Variants in PPP4C observed in about 807,000 individuals in gnomAD.
PPP4C encodes the protein serine/threonine-protein phosphatase 4 catalytic subunit.
PPP4C carries 10 observed loss-of-function variants against 40.5 expected under a neutral mutation model. The ratio of observed to expected loss-of-function variants is 0.25; its 90% CI spans 0.15 to 0.42. The LOEUF (loss-of-function observed/expected upper bound fraction) is 0.42. PPP4C is among the 10% of genes least tolerant of loss of function. The pLI is 1.00. For synonymous variants in PPP4C, 187 were observed against 163.6 expected, an observed-to-expected ratio of 1.14 and a Z score of -1.09; for missense variants, 191 against 416.4, an observed-to-expected ratio of 0.46 and a Z score of 4.71.
Position 30,081,148 on chromosome 16 carries a change from GC to G in PPP4C, c.99-106del. ...TGGGGAGACTGTACGCTTCACTCCT[GC>G]CCCCTGGAGCTTCCAGGACTGCCTC... On this transcript the variant is annotated intron_variant, in intron 2 of 8. Coordinates refer to ENST00000279387, the MANE Select transcript of PPP4C (RefSeq NM_002720.3). 3 of 1,480,454 alleles carry G rather than the reference GC, an allele frequency of 2.0e-6. No homozygotes were observed. The South Asian group carries it at 3.4e-5, about 17-fold the overall frequency. The allele number at this position is 1,480,454 out of a possible 1,614,324, so 91.7% of individuals were successfully genotyped here. A position where few individuals can be genotyped will look rare whatever the true frequency, so the allele number is the denominator to read the frequency against.
chr16:30,084,898 C>T (rs199653218), intron 8 of PPP4C, 35 bp from the exon 9 acceptor site: 26 of 1,613,450 alleles, frequency 1.6e-5, no homozygotes, highest in African/African-American at 1.1e-4. Context: ...GCATCTGAGC[C>T]GAGCTGCTCC....
rs556129390 is a variant in PPP4C at position 30,083,072 on chromosome 16, G to A, written c.303+225G>A. On this transcript the variant is annotated intron_variant, in intron 5 of 8. Coordinates refer to ENST00000279387, the MANE Select transcript of PPP4C (RefSeq NM_002720.3). This position sits in a 1 kb window ranked among gnomAD's most constrained non-coding sequence, Gnocchi z 6.3. The stretch of plus-strand genomic sequence containing the variant: ...AGGCTCACTGTTGCGAATGTGGCAG[G>A]TCATTGATGCCACTGGTGGGAGAGG... 1.0e-5 allele frequency: 6 copies of A among 592,142 alleles called. No homozygotes were observed. In the East Asian group the frequency reaches 1.7e-4, roughly 17 times the overall value. The allele number at this position is 592,142 out of a possible 1,614,324, so 36.7% of individuals were successfully genotyped here. A position where few individuals can be genotyped will look rare whatever the true frequency, so the allele number is the denominator to read the frequency against.
rs2072544811 is a variant in PPP4C at position 30,083,267 on chromosome 16, C to G, written c.304-127C>G. On this transcript the variant is annotated intron_variant, in intron 5 of 8. Transcript: ENST00000279387. This position sits in a 1 kb window ranked among gnomAD's most constrained non-coding sequence, Gnocchi z 6.3. Reference sequence around the variant, plus strand: ...GGTGGCTGATGCCACACGATTCAGGCAAGAGGTGCCAGGAGTGTGCTGGGC... The same window carrying G: ...GGTGGCTGATGCCACACGATTCAGGGAAGAGGTGCCAGGAGTGTGCTGGGC... 2.7e-6 allele frequency: 3 copies of G among 1,111,526 alleles called. No individual in the cohort carries two copies. The highest frequency in any genetic ancestry group is 3.9e-6 in the Non-Finnish European group (3 of 768,948). 68.9% of individuals were successfully genotyped at this position (1,111,526 alleles called of 1,614,324 possible).
Position 30,083,390 on chromosome 16 carries a change from C to G in PPP4C, c.304-4C>G. The G allele has an allele frequency of 6.2e-7, 1 of 1,605,732 alleles. No individual in the cohort carries two copies. The highest frequency in any genetic ancestry group is 1.1e-5 in the South Asian group (1 of 90,974). On this transcript the variant is annotated splice_region_variant and splice_polypyrimidine_tract_variant and intron_variant, in intron 5 of 8. Transcript: ENST00000279387. This position sits in a 1 kb window ranked among gnomAD's most constrained non-coding sequence, Gnocchi z 6.3. Reference sequence around the variant, plus strand: ...GCCAGCCCTGGCTTGGTGGCCACCCCCAGGTTCGCTATCCTGATCGCATCA... The same window carrying G: ...GCCAGCCCTGGCTTGGTGGCCACCCGCAGGTTCGCTATCCTGATCGCATCA...
rs1406983248 is a variant in PPP4C at position 30,076,031 on chromosome 16, G to T, written c.-127G>T. The T allele has an allele frequency of 2.5e-6, 1 of 397,100 alleles. No individual in the cohort carries two copies. Among genetic ancestry groups the T allele is most frequent in the Admixed American group, 4.2e-5 (1 of 23,748 alleles). The allele number at this position is 397,100 out of a possible 1,614,324, so 24.6% of individuals were successfully genotyped here. A position where few individuals can be genotyped will look rare whatever the true frequency, so the allele number is the denominator to read the frequency against. On this transcript the variant is annotated 5_prime_UTR_variant, in exon 1 of 9. Transcript: ENST00000279387. Reference sequence around the variant, plus strand: ...AGCGGCGGCGGCGGCGGCGGCGGCGGTCGAAAGCGGAGTGAAAGAGGGAGG... The same window carrying T: ...AGCGGCGGCGGCGGCGGCGGCGGCGTTCGAAAGCGGAGTGAAAGAGGGAGG...
intron 3 of PPP4C, among the ~76,000 whole-genome samples, chr16:30,082,228 A>T (rs974297906): frequency 6.6e-6 from 1 of 152,098 alleles, no homozygotes; most frequent in Non-Finnish European, 1.5e-5. Flanking sequence ...TGGGGAGTAG[A>T]GAGAGGAAGG....
At chr16:30,076,867 T>G (rs768311629) in intron 2 of PPP4C, among the ~76,000 whole-genome samples, 1 of 152,170 alleles carries the variant, frequency 6.6e-6, no homozygotes, top group Admixed American at 6.5e-5. Context: ...ACCCTGTGAT[T>G]TATAAAAGTC....
intron 5 of PPP4C, 123 bp downstream of exon 5, chr16:30,082,970 G>A: frequency 1.2e-6 from 1 of 840,236 alleles, no homozygotes; most frequent in African/African-American, 1.7e-5. Context: ...ACTGGTGATG[G>A]ACCGATTCTG....
chr16:30,082,714 AC>A (rs2072534574), intron 4 of PPP4C, 31 bp from the exon 5 acceptor site: 2 of 1,597,688 alleles, frequency 1.3e-6, no homozygotes, highest in East Asian at 4.5e-5. Context: ...GGGACTGTTT[AC>A]GACAGGGCAA....
chr16:30,081,742 CA>C (rs61531115), intron 3 of PPP4C: 4 of 133,292 alleles, frequency 3.0e-5, no homozygotes, highest in South Asian at 2.3e-4. Context: ...GACTCCGTCT[CA>C]AAAAAAAACA....
chr16:30,081,729 G>A (rs1256090728), intron 3 of PPP4C: 1 of 155,864 alleles, frequency 6.4e-6, no homozygotes, highest in Non-Finnish European at 1.4e-5. Context: ...GGTGACAGAG[G>A]GAGACTCCGT....
At position 30,076,036 on chromosome 16, in the gene PPP4C, A is replaced by G; in HGVS notation, c.-122A>G. 2.5e-6 allele frequency: 1 copy of G among 394,556 alleles called. No homozygotes were observed. The allele number at this position is 394,556 out of a possible 1,614,324, so 24.4% of individuals were successfully genotyped here. A position where few individuals can be genotyped will look rare whatever the true frequency, so the allele number is the denominator to read the frequency against. ...CGGCGGCGGCGGCGGCGGCGGTCGA[A>G]AGCGGAGTGAAAGAGGGAGGCAGGG... is the stretch of plus-strand genomic sequence containing the variant. On this transcript the variant is annotated 5_prime_UTR_variant, in exon 1 of 9. Coordinates refer to ENST00000279387, the MANE Select transcript of PPP4C (RefSeq NM_002720.3).
intron 3 of PPP4C, among the ~76,000 whole-genome samples, chr16:30,082,061 AAAAAAAG>A (rs2072519229): frequency 7.4e-6 from 1 of 136,040 alleles, no homozygotes; most frequent in African/African-American, 2.5e-5. Flanking sequence ...TCTAAAAAAA[AAAAAAAG>A]AAAGGAAAGA....
At position 30,083,765 on chromosome 16, in the gene PPP4C, C is replaced by T. The variant is rs746111745; in HGVS notation, c.588C>T (p.Leu196=). 3.1e-6 allele frequency: 5 copies of T among 1,614,024 alleles called. No individual in the cohort carries two copies. Among genetic ancestry groups the T allele is most frequent in the Admixed American group, 1.7e-5 (1 of 60,006 alleles). The change falls in exon 7 of 9, where the codon CTC becomes CTT. Residue 196 remains leucine, a synonymous_variant. Transcript: ENST00000279387. The surrounding 1 kb of genome is among the most constrained non-coding windows in gnomAD (Gnocchi z 6.3). ...VPHDGPMCDL[L]WSDPEDTTGW... ...ATGATGGGCCCATGTGTGACCTCCTCTGGTCTGACCCAGAAGGTGAGGGCA... is the reference window on the plus strand; with the variant it reads ...ATGATGGGCCCATGTGTGACCTCCTTTGGTCTGACCCAGAAGGTGAGGGCA...
chr16:30,079,826 T>G (rs1461276989), intron 2 of PPP4C, among the ~76,000 whole-genome samples: 1 of 152,144 alleles, frequency 6.6e-6, no homozygotes, highest in East Asian at 1.9e-4. Context: ...AATATCTTGA[T>G]AAAGAGTCAG....
chr16:30,081,509 G>T, intron 3 of PPP4C, 199 bp downstream of exon 3: 1 of 482,306 alleles, frequency 2.1e-6, no homozygotes, highest in South Asian at 2.8e-5. Context: ...TTTTGGGAGG[G>T]CAAGGTGGGC....
intron 3 of PPP4C, among the ~76,000 whole-genome samples, chr16:30,081,993 T>C (rs2072516750): frequency 1.3e-5 from 2 of 151,396 alleles, no homozygotes; most frequent in Admixed American, 6.6e-5. Flanking sequence ...AGGCGGAGCT[T>C]GCAGTGAGCC....
intron 2 of PPP4C, among the ~76,000 whole-genome samples, chr16:30,078,007 C>T (rs1205451810): frequency 6.6e-6 from 1 of 152,214 alleles, no homozygotes; most frequent in Non-Finnish European, 1.5e-5. Flanking sequence ...AGACCAGCCC[C>T]ATGGTGTTTT....
chr16:30,082,738 C>T lies in PPP4C; in HGVS notation c.202-8C>T. 2 of 1,611,778 alleles carry T rather than the reference C, an allele frequency of 1.2e-6. No individual in the cohort carries two copies. On this transcript the variant is annotated splice_region_variant and splice_polypyrimidine_tract_variant and intron_variant, in intron 4 of 8. Transcript: ENST00000279387. The stretch of plus-strand genomic sequence containing the variant: ...TACGACAGGGCAAAACTTTCTACTT[C>T]CCCACAGGTAGGTGGCGACGTCCCT...
Sources: allele counts gnomAD v4.1 joint callset (sites outside exome capture counted in the v4.1 genomes callset), GRCh38; gene constraint gnomAD v4.1.1; non-coding constraint Gnocchi (gnomAD v3.1); transcripts MANE v1.5; gene names NCBI Gene and HGNC (gene_info 2026-07-23, HGNC 2026-07-21).